Variants in NAA16 observed in about 807,000 individuals in gnomAD.
NAA16 encodes NARG1-like protein.
Under a neutral mutation model 110.3 loss-of-function variants are expected in NAA16, and 97 were observed. That is an observed-to-expected ratio of 0.88 (90% CI 0.75 to 1.04). The LOEUF is 1.04. Ranked by LOEUF, NAA16 falls within the 50% of genes least tolerant of loss-of-function variation. NAA16 has a pLI of 0.00. For synonymous variants in NAA16, 372 were observed against 330.6 expected (o/e 1.13, Z -1.36); for missense variants, 1,017 against 1,005.1 (o/e 1.01, Z -0.16).
intron 10 of NAA16, 72 bp from the exon 11 acceptor site, chr13:41,358,231 GA>G: frequency 7.8e-7 from 1 of 1,280,862 alleles, no homozygotes; most frequent in Non-Finnish European, 1.1e-6. Flanking sequence ...ATTTCATTAT[GA>G]ATTAGGAGAG....
At chr13:41,357,727 A>G (rs9594529) in intron 10 of NAA16, among the ~76,000 whole-genome samples, 12,047 of 152,234 alleles carry the variant, frequency 0.079, 563 homozygotes, top group East Asian at 0.2. Context: ...GAACTCAGGT[A>G]AGTGTATATA....
intron 9 of NAA16, among the ~76,000 whole-genome samples, chr13:41,346,188 C>G (rs981056150): frequency 6.6e-6 from 1 of 152,166 alleles, no homozygotes; most frequent in Non-Finnish European, 1.5e-5. Flanking sequence ...CAGATTCATT[C>G]TTTTGTGTGT....
chr13:41,317,505 G>A (rs927544059), intron 2 of NAA16, among the ~76,000 whole-genome samples: 1 of 152,164 alleles, frequency 6.6e-6, no homozygotes, highest in Non-Finnish European at 1.5e-5. Flanking sequence ...GGATAGACAT[G>A]AAAATAATGA....
At chr13:41,322,870 G>A (rs1271365852) in intron 4 of NAA16, among the ~76,000 whole-genome samples, 186 bp from the exon 5 acceptor site, 1 of 152,148 alleles carries the variant, frequency 6.6e-6, no homozygotes, top group Non-Finnish European at 1.5e-5. Flanking sequence ...CTCACAGTGA[G>A]TATTACAGGG....
intron 3 of NAA16, among the ~76,000 whole-genome samples, chr13:41,320,270 T>G (rs2041913827): frequency 6.6e-6 from 1 of 152,228 alleles, no homozygotes; most frequent in Non-Finnish European, 1.5e-5. Flanking sequence ...ATATTCTGTT[T>G]CAAGACATCA....
chr13:41,318,296 C>CCT (rs2041859307), intron 2 of NAA16, among the ~76,000 whole-genome samples: 1 of 151,964 alleles, frequency 6.6e-6, no homozygotes, highest in Non-Finnish European at 1.5e-5. Context: ...ACCTCTGCCT[C>CCT]CTGGGTTCAA....
chr13:41,337,963 A>C (rs566902951), intron 9 of NAA16, among the ~76,000 whole-genome samples: 36 of 152,188 alleles, frequency 2.4e-4, no homozygotes, highest in African/African-American at 8.2e-4. Context: ...GTTAAAAAAA[A>C]CAAAAAAACC....
intron 3 of NAA16, among the ~76,000 whole-genome samples, chr13:41,319,572 A>G (rs977202828): frequency 3.3e-5 from 5 of 152,016 alleles, no homozygotes; most frequent in African/African-American, 1.2e-4. Flanking sequence ...GCTAGAGTGC[A>G]GTGGCATGAT....
In NAA16 at chr13:41,311,582, G is replaced by C; in HGVS notation, c.54G>C (p.Leu18Phe). The change falls in exon 1 of 20, where the codon TTG (leucine) becomes TTC (phenylalanine). Residue 18 changes from leucine to phenylalanine, a missense_variant and splice_region_variant. Transcript: ENST00000379406. The part of the protein sequence containing the change: ...PKESNLFKRI[L>F]KCYEQKQYKN... ...AGAGCAACCTCTTCAAACGCATCTT[G>C]GTGAGTGGCCGTAGGCCGCGCTGCC... The C allele has an allele frequency of 1.2e-6, 2 of 1,606,982 alleles. No homozygotes were observed. Among genetic ancestry groups the C allele is most frequent in the Non-Finnish European group, 1.7e-6 (2 of 1,177,126 alleles).
intron 17 of NAA16, chr13:41,373,181 A>G (rs1053865017): frequency 1.1e-6 from 1 of 892,128 alleles, no homozygotes; most frequent in Non-Finnish European, 1.3e-6. Context: ...GCTAGGATGT[A>G]TTTATATTCC....
At chr13:41,324,363 C>CTTTTTTTTTTT in intron 5 of NAA16, among the ~76,000 whole-genome samples, 1 of 66,060 alleles carries the variant, frequency 1.5e-5, no homozygotes, top group Non-Finnish European at 2.7e-5. Flanking sequence ...TTCTTTCTTT[C>CTTTTTTTTTTT]TTTTTTTTTT....
chr13:41,332,844 T>G (rs1292856416), intron 8 of NAA16, among the ~76,000 whole-genome samples: 1 of 152,202 alleles, frequency 6.6e-6, no homozygotes, highest in East Asian at 1.9e-4. Context: ...GATTAGACAG[T>G]AGATAGAAAT....
chr13:41,374,924 T>A, intron 19 of NAA16, 85 bp downstream of exon 19: 1 of 765,072 alleles, frequency 1.3e-6, no homozygotes, highest in South Asian at 1.7e-5. Context: ...GAGTAGGCCT[T>A]CAGAATTATG....
At chr13:41,357,783 G>A (rs2043024490) in intron 10 of NAA16, among the ~76,000 whole-genome samples, 1 of 152,102 alleles carries the variant, frequency 6.6e-6, no homozygotes, top group Non-Finnish European at 1.5e-5. Flanking sequence ...TTTCTACTTA[G>A]GTTTTTGTCA....
At position 41,375,534 on chromosome 13, in the gene NAA16, G is replaced by A; in HGVS notation, c.2527G>A (p.Glu843Lys). 1 of 1,614,092 alleles carries A rather than the reference G, an allele frequency of 6.2e-7. No individual in the cohort carries two copies. The highest frequency in any genetic ancestry group is 8.5e-7 in the Non-Finnish European group (1 of 1,179,976). ...FTSAFLPAVN[E>K]VDNPNVALNH... Reference sequence around the variant, plus strand: ...ATCTGCCTTCTTGCCTGCTGTGAATGAAGTCGACAATCCTAATGTGGCACT... The same window carrying A: ...ATCTGCCTTCTTGCCTGCTGTGAATAAAGTCGACAATCCTAATGTGGCACT... The change falls in exon 20 of 20, where the codon GAA (glutamate) becomes AAA (lysine). Residue 843 changes from glutamate (E) to lysine (K), a missense_variant. By Grantham distance (56) the Glu-to-Lys change is moderately conservative. Coordinates refer to ENST00000379406, the MANE Select transcript of NAA16 (RefSeq NM_024561.5).
At chr13:41,360,680 C>A (rs543938753) in intron 12 of NAA16, among the ~76,000 whole-genome samples, 1 of 152,152 alleles carries the variant, frequency 6.6e-6, no homozygotes, top group East Asian at 1.9e-4. Flanking sequence ...ATGTGGTGAA[C>A]AACATAATGA....
intron 15 of NAA16, among the ~76,000 whole-genome samples, 199 bp downstream of exon 15, chr13:41,369,482 G>T (rs2043273953): frequency 6.6e-6 from 1 of 152,262 alleles, no homozygotes; most frequent in Non-Finnish European, 1.5e-5. Context: ...TGCAATTGTG[G>T]TAGGCAGAGT....
chr13:41,358,288 A>G lies in NAA16; in HGVS notation c.1088-16A>G. ...TACATTCTTTCTATAATAATTTAATATTTGTTTGATTGCAGAGAATGGGGA... is the reference window on the plus strand; with the variant it reads ...TACATTCTTTCTATAATAATTTAATGTTTGTTTGATTGCAGAGAATGGGGA... On this transcript the variant is annotated splice_polypyrimidine_tract_variant and intron_variant, in intron 10 of 19. Transcript: ENST00000379406. 6.2e-7 allele frequency: 1 copy of G among 1,600,316 alleles called. No homozygotes were observed. The highest frequency in any genetic ancestry group is 8.6e-7 in the Non-Finnish European group (1 of 1,169,190).
chr13:41,368,948 C>A, intron 14 of NAA16, 142 bp from the exon 15 acceptor site: 1 of 570,188 alleles, frequency 1.8e-6, no homozygotes, highest in East Asian at 2.9e-5. Context: ...GCTTGAGTAT[C>A]AGTGGACTTT....
Sources: allele counts gnomAD v4.1 joint callset (sites outside exome capture counted in the v4.1 genomes callset), GRCh38; gene constraint gnomAD v4.1.1; transcripts MANE v1.5; gene names NCBI Gene and HGNC (gene_info 2026-07-23, HGNC 2026-07-21).